The following CDH18 variants were observed in gnomAD, a reference collection of about 807,000 sequenced individuals.
CDH18 encodes cadherin-18.
CDH18 carries 31 observed loss-of-function variants against 67.9 expected under a neutral mutation model. The observed-to-expected ratio is 0.46, with a 90% confidence interval of 0.34 to 0.62. The LOEUF (loss-of-function observed/expected upper bound fraction) is 0.62, where lower values mean the gene tolerates loss of function less well. CDH18 is among the 20% of genes least tolerant of loss of function. The probability of loss-of-function intolerance (pLI) is 0.01; values close to 1 mark genes in which losing one functional copy is unlikely to be tolerated. For synonymous variants in CDH18, 362 were observed against 347.2 expected, an observed-to-expected ratio of 1.04 and a Z score of -0.48; for missense variants, 890 against 975.5, an observed-to-expected ratio of 0.91 and a Z score of 1.17.
At chr5:20,106,650 G>A (rs1161351487) in intron 2 of CDH18, among the ~76,000 whole-genome samples, 1 of 152,172 alleles carries the variant, frequency 6.6e-6, no homozygotes, top group Non-Finnish European at 1.5e-5. Context: ...TACCTGCTGG[G>A]ATTGTGGTGG....
At chr5:19,804,423 C>A (rs1777829337) in intron 3 of CDH18, among the ~76,000 whole-genome samples, 1 of 152,116 alleles carries the variant, frequency 6.6e-6, no homozygotes. Flanking sequence ...AATATAGAAA[C>A]TGACTGAACT....
chr5:20,016,612 A>C (rs1286745307), intron 2 of CDH18, among the ~76,000 whole-genome samples: 1 of 152,224 alleles, frequency 6.6e-6, no homozygotes, highest in Non-Finnish European at 1.5e-5. Context: ...GCATAGTTGC[A>C]GTCAGAGTGC....
At chr5:19,626,642 G>A (rs898880949) in intron 5 of CDH18, among the ~76,000 whole-genome samples, 2 of 152,006 alleles carry the variant, frequency 1.3e-5, no homozygotes, top group Admixed American at 6.6e-5. Flanking sequence ...ACTATTCTAG[G>A]TGGAGAAAAT....
intron 2 of CDH18, among the ~76,000 whole-genome samples, chr5:19,860,212 C>T (rs550954480): frequency 7.1e-4 from 108 of 152,104 alleles, no homozygotes; most frequent in Non-Finnish European, 1.4e-3. Flanking sequence ...CAGTGAATAG[C>T]CTTATTTTTT....
At chr5:19,934,595 T>A (rs1251731057) in intron 2 of CDH18, among the ~76,000 whole-genome samples, 8 of 151,430 alleles carry the variant, frequency 5.3e-5, no homozygotes. Flanking sequence ...TTCCATTTCA[T>A]AAAACTAAAA....
At chr5:20,100,833 A>T (rs1157265188) in intron 2 of CDH18, among the ~76,000 whole-genome samples, 1 of 152,012 alleles carries the variant, frequency 6.6e-6, no homozygotes, top group Non-Finnish European at 1.5e-5. Context: ...CTTGGCATCT[A>T]TCTGTTGTTT....
chr5:19,642,744 C>T (rs1013964008), intron 5 of CDH18, among the ~76,000 whole-genome samples: 5 of 151,960 alleles, frequency 3.3e-5, no homozygotes, highest in Non-Finnish European at 7.4e-5. Context: ...AGGGGGAAGG[C>T]TTCTTGCTAT....
chr5:19,501,441 GA>G (rs1204986109), intron 11 of CDH18, among the ~76,000 whole-genome samples: 2 of 136,598 alleles, frequency 1.5e-5, no homozygotes, highest in Non-Finnish European at 3.1e-5. Flanking sequence ...TGTCTCTACT[GA>G]AAAAAACAAA....
intron 1 of CDH18, among the ~76,000 whole-genome samples, chr5:20,549,869 ACTT>A (rs928374834): frequency 6.6e-6 from 1 of 152,144 alleles, no homozygotes; most frequent in Non-Finnish European, 1.5e-5. Flanking sequence ...CACGTGATAA[ACTT>A]CTTTTCAAAG....
chr5:19,687,432 CA>C (rs1260170954), intron 5 of CDH18, among the ~76,000 whole-genome samples: 1 of 152,148 alleles, frequency 6.6e-6, no homozygotes, highest in Admixed American at 6.5e-5. Flanking sequence ...GGCATGACAT[CA>C]GTTACACCCA....
chr5:20,386,846 T>G (rs2150108795), intron 1 of CDH18, among the ~76,000 whole-genome samples: 1 of 152,264 alleles, frequency 6.6e-6, no homozygotes, highest in African/African-American at 2.4e-5. Flanking sequence ...AAATTATGTT[T>G]ATTTTGGGGC....
chr5:19,818,293 C>T (rs759297713), intron 3 of CDH18, among the ~76,000 whole-genome samples: 18 of 152,006 alleles, frequency 1.2e-4, no homozygotes, highest in Non-Finnish European at 2.6e-4. Context: ...TTATTATTAT[C>T]TCATGAAGAC....
intron 5 of CDH18, among the ~76,000 whole-genome samples, chr5:19,614,611 G>A (rs970979743): frequency 2.6e-5 from 4 of 151,978 alleles, no homozygotes; most frequent in Admixed American, 2.6e-4. Flanking sequence ...ACTTGTCTTT[G>A]GTGGGGAGAA....
intron 1 of CDH18, among the ~76,000 whole-genome samples, chr5:20,471,455 A>G (rs1231827442): frequency 1.3e-5 from 2 of 152,048 alleles, no homozygotes; most frequent in African/African-American, 2.4e-5. Context: ...TTCTGCTCAC[A>G]TTCCACATTG....
chr5:19,497,999 T>A (rs953115499), intron 11 of CDH18, among the ~76,000 whole-genome samples: 13 of 152,156 alleles, frequency 8.5e-5, no homozygotes, highest in African/African-American at 2.9e-4. Context: ...GGAGCATAAG[T>A]TCTTCTTCAG....
intron 2 of CDH18, among the ~76,000 whole-genome samples, chr5:20,162,318 G>A (rs1431588673): frequency 3.3e-5 from 5 of 151,152 alleles, no homozygotes; most frequent in African/African-American, 9.7e-5. Flanking sequence ...TTAATTTTAC[G>A]AAGTACTTTT....
intron 5 of CDH18, among the ~76,000 whole-genome samples, chr5:19,633,884 A>T (rs761822273): frequency 2.6e-5 from 4 of 152,170 alleles, no homozygotes; most frequent in Non-Finnish European, 5.9e-5. Context: ...CACCCCTCTC[A>T]GTCTTCCAAA....
At chr5:20,200,983 T>C (rs2126754373) in intron 2 of CDH18, among the ~76,000 whole-genome samples, 1 of 152,266 alleles carries the variant, frequency 6.6e-6, no homozygotes, top group African/African-American at 2.4e-5. Context: ...TCTAATTGTA[T>C]TATCTTCTTA....
chr5:19,673,716 T>C (rs1241769868), intron 5 of CDH18, among the ~76,000 whole-genome samples: 1 of 152,052 alleles, frequency 6.6e-6, no homozygotes, highest in African/African-American at 2.4e-5. Context: ...ATTGGAATGT[T>C]TAAAATGGAT....
Sources: allele counts gnomAD v4.1 joint callset (sites outside exome capture counted in the v4.1 genomes callset), GRCh38; gene constraint gnomAD v4.1.1; transcripts MANE v1.5; gene names NCBI Gene and HGNC (gene_info 2026-07-23, HGNC 2026-07-21).